CA10: variants seen among roughly 807,000 people sequenced by gnomAD.
The protein encoded by CA10 is carbonic anhydrase-related protein 10.
Under a neutral mutation model 44.2 loss-of-function variants are expected in CA10, and 14 were observed. The observed-to-expected ratio is 0.32, with a 90% CI of 0.21 to 0.50. The LOEUF (loss-of-function observed/expected upper bound fraction) is 0.50, where lower values mean the gene tolerates loss of function less well. Ranked by LOEUF, CA10 falls within the 20% of genes least tolerant of loss-of-function variation. The probability of loss-of-function intolerance (pLI) is 0.99; values close to 1 mark genes in which losing one functional copy is unlikely to be tolerated. For synonymous variants in CA10, 159 were observed against 141.6 expected (o/e 1.12, Z -0.87); for missense variants, 350 against 409.7 (o/e 0.85, Z 1.26).
chr17:51,843,809 T>C (rs904256974), intron 3 of CA10, among the ~76,000 whole-genome samples: 6 of 152,180 alleles, frequency 3.9e-5, no homozygotes, highest in African/African-American at 1.4e-4. Flanking sequence ...GAGTTCTTAT[T>C]ACCTGGTTTT....
At chr17:51,924,823 T>A (rs908171575) in intron 3 of CA10, among the ~76,000 whole-genome samples, 2 of 152,142 alleles carry the variant, frequency 1.3e-5, no homozygotes, top group African/African-American at 4.8e-5. Context: ...CTATGAGGGA[T>A]CCTCATGACT....
intron 2 of CA10, among the ~76,000 whole-genome samples, chr17:52,041,220 T>A (rs1456515049): frequency 2.6e-5 from 4 of 151,900 alleles, no homozygotes; most frequent in African/African-American, 9.7e-5. Context: ...ATATCTACCA[T>A]CAATTCAAAA....
chr17:51,896,045 G>T (rs1981054027), intron 3 of CA10, among the ~76,000 whole-genome samples: 1 of 151,692 alleles, frequency 6.6e-6, no homozygotes, highest in Non-Finnish European at 1.5e-5. Flanking sequence ...ACTTCATCAA[G>T]GTATTATTTG....
intron 1 of CA10, among the ~76,000 whole-genome samples, chr17:52,085,481 C>T (rs1213359468): frequency 6.6e-6 from 1 of 152,158 alleles, no homozygotes; most frequent in South Asian, 2.1e-4. Flanking sequence ...AACTCATTGA[C>T]CATCTTTCAA....
At chr17:52,092,486 C>A in intron 1 of CA10, among the ~76,000 whole-genome samples, 1 of 152,144 alleles carries the variant, frequency 6.6e-6, no homozygotes, top group East Asian at 1.9e-4. Flanking sequence ...CGGAGTAACA[C>A]CCTTCTTAGT....
At chr17:51,949,011 A>T (rs1983386206) in intron 2 of CA10, among the ~76,000 whole-genome samples, 1 of 152,190 alleles carries the variant, frequency 6.6e-6, no homozygotes, top group Non-Finnish European at 1.5e-5. Flanking sequence ...TGTTTCATAT[A>T]TAAGAAAAAT....
At chr17:51,643,079 A>G (rs1237554967) in intron 6 of CA10, among the ~76,000 whole-genome samples, 1 of 152,238 alleles carries the variant, frequency 6.6e-6, no homozygotes, top group Non-Finnish European at 1.5e-5. Context: ...AGTGTTTTAT[A>G]TGCAGTGTTC....
At chr17:52,104,412 C>G (rs758143092) in intron 1 of CA10, among the ~76,000 whole-genome samples, 31 of 152,238 alleles carry the variant, frequency 2.0e-4, no homozygotes, top group Admixed American at 7.8e-4. Flanking sequence ...TCATGTTGCC[C>G]AGGCTGGTCT....
At chr17:51,677,714 C>A (rs1048357320) in intron 4 of CA10, among the ~76,000 whole-genome samples, 3 of 152,098 alleles carry the variant, frequency 2.0e-5, no homozygotes, top group Admixed American at 6.6e-5. Context: ...TTTTGAACTA[C>A]TGTGGCCCTC....
intron 2 of CA10, among the ~76,000 whole-genome samples, chr17:51,951,694 T>A (rs1417031130): frequency 2.6e-5 from 4 of 152,184 alleles, no homozygotes; most frequent in African/African-American, 9.6e-5. Context: ...AAAAACCAGA[T>A]TATTTTTCAC....
chr17:52,050,051 G>A (rs2970023), intron 2 of CA10, among the ~76,000 whole-genome samples: 150,768 of 152,128 alleles, frequency 0.99, 74,726 homozygotes, highest in East Asian at 1. Context: ...GTTTGTGTAA[G>A]TGCACTCTAT....
rs997631485 is a variant in CA10 at position 52,020,432 on chromosome 17, T to C, written c.136+51887A>G. 5.8e-4 allele frequency among the ~76,000 whole-genome samples: 88 copies of C among 152,162 alleles called. 1 individual carries two copies. The highest frequency in any genetic ancestry group is 4.7e-4 in the Non-Finnish European group (32 of 67,934). The stretch of plus-strand genomic sequence containing the variant: ...ATTTATATGTCTACTTTTTCCTCAT[T>C]ACTTTCTGAATTTTCTTGCTTCAAT... On this transcript the variant is annotated intron_variant, in intron 2 of 8. Transcript: ENST00000451037.
chr17:51,929,284 T>C (rs892681031), intron 3 of CA10, among the ~76,000 whole-genome samples: 17 of 152,294 alleles, frequency 1.1e-4, no homozygotes, highest in African/African-American at 4.1e-4. Flanking sequence ...GTAAAAATTA[T>C]ATATCCATTG....
chr17:51,888,354 A>T (rs11649760), intron 3 of CA10, among the ~76,000 whole-genome samples: 17,123 of 152,268 alleles, frequency 0.11, 1,330 homozygotes, highest in African/African-American at 0.23. Flanking sequence ...GAACATTTAC[A>T]TTAAAATCTT....
chr17:51,898,862 G>T (rs1241811442), intron 3 of CA10, among the ~76,000 whole-genome samples: 1 of 151,444 alleles, frequency 6.6e-6, no homozygotes, highest in Non-Finnish European at 1.5e-5. Flanking sequence ...AGTCTCTGAG[G>T]TTTTTTTTAA....
At chr17:51,931,446 A>G (rs1982656463) in intron 2 of CA10, among the ~76,000 whole-genome samples, 1 of 152,142 alleles carries the variant, frequency 6.6e-6, no homozygotes, top group Non-Finnish European at 1.5e-5. Context: ...TCATCTTTGC[A>G]ATATGCCTGG....
chr17:51,698,731 C>A (rs2143451263), intron 4 of CA10, among the ~76,000 whole-genome samples: 1 of 152,292 alleles, frequency 6.6e-6, no homozygotes. Flanking sequence ...CTCCTTCCAA[C>A]CCCTGGTAAC....
In CA10 at chr17:51,657,924, G is replaced by T. The variant is rs184166084; in HGVS notation, c.466-4188C>A. Among the ~76,000 whole-genome samples, 196 of 152,326 alleles carry T rather than the reference G, an allele frequency of 1.3e-3. 1 individual carries two copies. The highest frequency in any genetic ancestry group is 4.5e-3 in the African/African-American group (189 of 41,572). Reference sequence around the variant, plus strand: ...AAGCTATTCATTAAAGAGATGCCTTGAGGGCTTCTGCTAGTTTAGTTGGCA... The same window carrying T: ...AAGCTATTCATTAAAGAGATGCCTTTAGGGCTTCTGCTAGTTTAGTTGGCA... On this transcript the variant is annotated intron_variant, in intron 4 of 8. Transcript: ENST00000451037.
intron 3 of CA10, among the ~76,000 whole-genome samples, chr17:51,814,401 T>C (rs929946331): frequency 6.6e-6 from 1 of 152,104 alleles, no homozygotes; most frequent in Non-Finnish European, 1.5e-5. Flanking sequence ...ATATAAAATG[T>C]GTTTTGGGAA....
Sources: allele counts gnomAD v4.1 joint callset (sites outside exome capture counted in the v4.1 genomes callset), GRCh38; gene constraint gnomAD v4.1.1; transcripts MANE v1.5; gene names NCBI Gene and HGNC (gene_info 2026-07-23, HGNC 2026-07-21).